WDPCP: variants seen among roughly 807,000 people sequenced by gnomAD.
WDPCP encodes WD repeat-containing and planar cell polarity effector protein fritz homolog.
A neutral mutation model predicts 93.1 loss-of-function variants in WDPCP; 71 were observed. That is an observed-to-expected ratio of 0.76 (90% CI 0.63 to 0.93). The LOEUF (loss-of-function observed/expected upper bound fraction) is 0.93. Among genes scored for constraint, WDPCP ranks in the 40% least tolerant of loss-of-function variants. WDPCP has a pLI of 0.00. For missense variants in WDPCP, 844 were observed against 887.4 expected (o/e 0.95, Z 0.62); for synonymous variants, 315 against 315.0 (o/e 1.00, Z 0.00).
chr2:63,525,448 T>C (rs563085213), intron 1 of WDPCP, among the ~76,000 whole-genome samples: 3 of 152,346 alleles, frequency 2.0e-5, no homozygotes, highest in African/African-American at 7.2e-5. Context: ...CTTTCTCTCA[T>C]TGCTTCTTTT....
In WDPCP at chr2:63,313,882, A is replaced by ATGTGTGTGTG. The variant is rs1400155246; in HGVS notation, c.1749-572_1749-571insCACACACACA. Reference sequence around the variant, plus strand: ...TATATATATATATATATATATATATATATATTTTTTTTTTTTTGGAGATGG... The same window carrying ATGTGTGTGTG: ...TATATATATATATATATATATATATATGTGTGTGTGTATATTTTTTTTTTTTTGGAGATGG... On this transcript the variant is annotated intron_variant, in intron 12 of 17. Coordinates refer to ENST00000272321, the MANE Select transcript of WDPCP (RefSeq NM_015910.7). Among the ~76,000 whole-genome samples, 29 of 30,846 alleles carry ATGTGTGTGTG rather than the reference A, an allele frequency of 9.4e-4. No individual in the cohort carries two copies. In the East Asian group the frequency reaches 9.7e-3, roughly 10 times the overall value. 20.2% of individuals were successfully genotyped at this position (30,846 alleles called of 152,430 possible).
chr2:63,776,151 A>G (rs1021620743), intron 2 of WDPCP, among the ~76,000 whole-genome samples: 12 of 151,958 alleles, frequency 7.9e-5, no homozygotes, highest in Non-Finnish European at 1.6e-4. Flanking sequence ...CAACTGATAA[A>G]CTGAATCTCA....
intron 2 of WDPCP, among the ~76,000 whole-genome samples, chr2:63,804,921 G>A (rs1392069024): frequency 1.3e-5 from 2 of 151,826 alleles, no homozygotes; most frequent in Admixed American, 6.6e-5. Flanking sequence ...CCAGCTACTC[G>A]GGAGGCTGAG....
intron 1 of WDPCP, among the ~76,000 whole-genome samples, chr2:63,567,773 A>G (rs74384887): frequency 6.6e-6 from 1 of 151,638 alleles, no homozygotes; most frequent in South Asian, 2.1e-4. Context: ...TCTCTGTTAG[A>G]CTCTGATGTT....
chr2:63,481,809 G>T (rs1019025545), intron 6 of WDPCP, among the ~76,000 whole-genome samples: 1 of 151,272 alleles, frequency 6.6e-6, no homozygotes, highest in African/African-American at 2.4e-5. Context: ...TCGGGTGATG[G>T]GTGCACCAAA....
chr2:63,536,853 C>T (rs1017890348), intron 1 of WDPCP, among the ~76,000 whole-genome samples: 2 of 139,470 alleles, frequency 1.4e-5, no homozygotes, highest in African/African-American at 5.4e-5. Context: ...GCAACCTTCG[C>T]CTCCCAAGTT....
At chr2:63,533,593 C>T (rs1201396445) in intron 1 of WDPCP, among the ~76,000 whole-genome samples, 3 of 152,124 alleles carry the variant, frequency 2.0e-5, no homozygotes, top group African/African-American at 4.8e-5. Context: ...GACTGAACAA[C>T]CTGCTCCTAA....
intron 9 of WDPCP, among the ~76,000 whole-genome samples, chr2:63,429,021 C>G (rs1241447278): frequency 6.6e-6 from 1 of 152,046 alleles, no homozygotes; most frequent in African/African-American, 2.4e-5. Context: ...AAGTCACACA[C>G]CTACAACCAT....
chr2:63,439,839 T>C lies in WDPCP; in HGVS notation c.417A>G (p.Leu139=). The stretch of plus-strand genomic sequence containing the variant: ...TCTCCAGCTGCGGCCCAGAAAGGCT[T>C]AGAGACACCAGCACACCTGAACCAA... ...LLFGSGVLVS[L]SLSGPQLEKV... Residue 139 remains leucine (L), a synonymous_variant, in exon 7 of 18, where the codon CTA becomes CTG. Transcript: ENST00000272321. 1 of 1,613,230 alleles carries C rather than the reference T, an allele frequency of 6.2e-7. No homozygotes were observed. The highest frequency in any genetic ancestry group is 8.5e-7 in the Non-Finnish European group (1 of 1,179,400).
chr2:63,720,425 A>AAAC lies in WDPCP; in HGVS notation n.309-69588_309-69587insGTT, dbSNP rs370676501. On this transcript the variant is annotated intron_variant and non_coding_transcript_variant, in intron 2 of 4. Coordinates refer to the WDPCP transcript ENST00000467687. ...GAGCAAGACTCTACCTTAAAAAAAA[A>AAAC]AAAAAACAAAACAAAACAACAACAA... 4.0e-3 allele frequency among the ~76,000 whole-genome samples: 603 copies of AAAC among 151,954 alleles called. 3 individuals carry two copies. Among genetic ancestry groups the AAAC allele is most frequent in the African/African-American group, 0.014 (563 of 41,460 alleles).
In WDPCP at chr2:63,611,333, A is replaced by AT. The variant is rs201203580; in HGVS notation, n.488+39325dup. Among the ~76,000 whole-genome samples the AT allele has an allele frequency of 7.2e-4, 109 of 152,168 alleles. 1 individual carries two copies. In the East Asian group the frequency reaches 0.013, roughly 18 times the overall value. On this transcript the variant is annotated intron_variant and non_coding_transcript_variant, in intron 3 of 4. Transcript: ENST00000467687. ...AGGATAAATTCCTAAAACACAGCAG[A>AT]TTTTTTTTAATACTGTTGAATCTAG... is the stretch of plus-strand genomic sequence containing the variant.
intron 1 of WDPCP, among the ~76,000 whole-genome samples, chr2:63,509,145 A>G (rs1240463302): frequency 6.6e-6 from 1 of 152,216 alleles, no homozygotes; most frequent in African/African-American, 2.4e-5. Context: ...TCTCAGCACC[A>G]CATAGCCCTT....
intron 3 of WDPCP, among the ~76,000 whole-genome samples, chr2:63,635,120 C>T (rs779216119): frequency 6.6e-6 from 1 of 151,960 alleles, no homozygotes; most frequent in Non-Finnish European, 1.5e-5. Context: ...ATTGGATAAC[C>T]TAGAAGAAAT....
At chr2:63,722,657 T>TG (rs540659527) in intron 2 of WDPCP, among the ~76,000 whole-genome samples, 53,482 of 72,758 alleles carry the variant, frequency 0.74, 21,141 homozygotes, top group African/African-American at 0.81. Flanking sequence ...GGGAGGGAGG[T>TG]GGGGGGGGGT....
chr2:63,367,914 A>C (rs1440249179), intron 12 of WDPCP, among the ~76,000 whole-genome samples: 1 of 152,240 alleles, frequency 6.6e-6, no homozygotes, highest in African/African-American at 2.4e-5. Flanking sequence ...ATTTCACAAA[A>C]GTGATGTATT....
chr2:63,625,477 A>C (rs1709799877), intron 3 of WDPCP, among the ~76,000 whole-genome samples: 1 of 152,252 alleles, frequency 6.6e-6, no homozygotes, highest in Non-Finnish European at 1.5e-5. Context: ...AACTTCAGCA[A>C]ACTATCAGGA....
rs533217628 is a variant in WDPCP, at chr2:63,753,743, C to T, written n.308+59879G>A. 6.6e-5 allele frequency among the ~76,000 whole-genome samples: 10 copies of T among 152,294 alleles called. No individual in the cohort carries two copies. In the South Asian group the frequency reaches 2.1e-3, roughly 32 times the overall value. ...AGAAACCACCTCCATGATCCAATCA[C>T]CTCCCACCAGACCCCACCTCCAACA... On this transcript the variant is annotated intron_variant and non_coding_transcript_variant, in intron 2 of 4. Transcript: ENST00000467687.
intron 2 of WDPCP, among the ~76,000 whole-genome samples, chr2:63,653,435 A>G (rs1327307677): frequency 6.6e-6 from 1 of 152,174 alleles, no homozygotes; most frequent in African/African-American, 2.4e-5. Flanking sequence ...TAATAGGGAG[A>G]CTAAACTAGA....
intron 12 of WDPCP, among the ~76,000 whole-genome samples, chr2:63,343,910 G>A (rs767554853): frequency 3.0e-4 from 45 of 151,914 alleles, no homozygotes; most frequent in Non-Finnish European, 6.2e-4. Context: ...ATTTGCTGAG[G>A]CATCATTATC....
Sources: gnomAD v4.1 joint callset for allele counts (sites outside exome capture counted in the v4.1 genomes callset) on GRCh38, gnomAD v4.1.1 for gene constraint, MANE v1.5 for transcripts, NCBI Gene and HGNC (gene_info 2026-07-23, HGNC 2026-07-21) for gene names.